CELF2: variants seen among roughly 807,000 people sequenced by gnomAD.
The protein encoded by CELF2 is CUGBP Elav-like family member 2.
Under a neutral mutation model 62.6 loss-of-function variants are expected in CELF2, and 8 were observed. The ratio of observed to expected loss-of-function variants is 0.13; its 90% CI spans 0.07 to 0.23. CELF2 has a LOEUF of 0.23. Ranked by LOEUF, CELF2 falls within the 10% of genes least tolerant of loss-of-function variation. The pLI, the probability that CELF2 is intolerant of heterozygous loss-of-function variation, is 1.00. For missense variants in CELF2, 333 were observed against 671.0 expected, an observed-to-expected ratio of 0.50 and a Z score of 5.56; for synonymous variants, 258 against 250.0, an observed-to-expected ratio of 1.03 and a Z score of -0.30.
At chr10:10,851,082 A>G (rs1295846461) in intron 1 of CELF2, among the ~76,000 whole-genome samples, 2 of 152,220 alleles carry the variant, frequency 1.3e-5, no homozygotes, top group Non-Finnish European at 2.9e-5. Context: ...CTGGGATTAC[A>G]GGTGTGAGCC....
chr10:10,741,830 C>T, the CELF2 span, among the ~76,000 whole-genome samples: 1 of 152,290 alleles, frequency 6.6e-6, no homozygotes, highest in East Asian at 1.9e-4. Flanking sequence ...TATCCCGATT[C>T]CTCCTCACAA....
intron 5 of CELF2, among the ~76,000 whole-genome samples, chr10:11,263,600 C>T (rs180853808): frequency 1.3e-5 from 2 of 152,254 alleles, no homozygotes; most frequent in East Asian, 3.9e-4. Flanking sequence ...CACCCAGAAG[C>T]TCATTTTTAG....
chr10:10,994,270 A>T (rs2053721102), intron 2 of CELF2, among the ~76,000 whole-genome samples: 1 of 152,150 alleles, frequency 6.6e-6, no homozygotes, highest in Non-Finnish European at 1.5e-5. Context: ...TATATTGTGC[A>T]AGTGCTTTTA....
At chr10:11,055,844 G>C (rs1164133130) in intron 1 of CELF2, among the ~76,000 whole-genome samples, 1 of 152,078 alleles carries the variant, frequency 6.6e-6, no homozygotes, top group Non-Finnish European at 1.5e-5. Context: ...CATTTCTAAA[G>C]GTTCCTTTTC....
chr10:11,317,451 A>G (rs1201366715), intron 10 of CELF2: 1 of 152,262 alleles, frequency 6.6e-6, no homozygotes, highest in Non-Finnish European at 1.5e-5. Flanking sequence ...TTTTATACTT[A>G]GCTTCTCATT....
the CELF2 span, among the ~76,000 whole-genome samples, chr10:10,765,302 C>T: frequency 9.2e-5 from 14 of 152,272 alleles, no homozygotes; most frequent in African/African-American, 2.4e-4. Context: ...AAGTAGAAGG[C>T]GCAGGGCACG....
chr10:11,053,765 C>A (rs1174320490), intron 1 of CELF2, among the ~76,000 whole-genome samples: 1 of 151,808 alleles, frequency 6.6e-6, no homozygotes, highest in Non-Finnish European at 1.5e-5. Context: ...CAGGCGCCCA[C>A]CACCATGCCC....
the CELF2 span, among the ~76,000 whole-genome samples, chr10:10,489,986 A>G: frequency 6.6e-6 from 1 of 152,288 alleles, no homozygotes; most frequent in African/African-American, 2.4e-5. Context: ...TGTCAGAAGG[A>G]AAGATGCAGA....
chr10:11,202,221 A>G (rs982126168), intron 2 of CELF2, among the ~76,000 whole-genome samples: 3 of 152,148 alleles, frequency 2.0e-5, no homozygotes, highest in Non-Finnish European at 2.9e-5. Context: ...TATAAGATTG[A>G]CTAGTAATGA....
chr10:10,587,277 G>A, the CELF2 span, among the ~76,000 whole-genome samples: 1 of 152,144 alleles, frequency 6.6e-6, no homozygotes, highest in Non-Finnish European at 1.5e-5. Flanking sequence ...ATGTCGATAG[G>A]ACATGCATAA....
rs1310325427 is a variant in CELF2 at position 11,211,844 on chromosome 10, G to GTGTT, written c.272-5578_272-5577insTTGT. Among the ~76,000 whole-genome samples the GTGTT allele has an allele frequency of 4.0e-5, 6 of 150,858 alleles. No homozygotes were observed. The highest frequency in any genetic ancestry group is 1.5e-4 in the African/African-American group (6 of 40,768). ...TGTGTGTGTGTGTGTGTGTGTGTGT[G>GTGTT]TGTGTGTGTGTAACTACCATTGGCC... On this transcript the variant is annotated intron_variant, in intron 2 of 12. Transcript: ENST00000633077. This position sits in a 1 kb window ranked among gnomAD's most constrained non-coding sequence, Gnocchi z 4.8.
intron 2 of CELF2, among the ~76,000 whole-genome samples, chr10:10,930,346 T>G (rs559836832): frequency 1.3e-5 from 2 of 152,340 alleles, no homozygotes; most frequent in South Asian, 4.1e-4. Context: ...ACTTTAAAAA[T>G]TAATAAAGCC....
At position 11,244,301 on chromosome 10, in the gene CELF2, T is replaced by C. The variant is rs1248130981; in HGVS notation, c.355-4852T>C. Among the ~76,000 whole-genome samples, 1 of 152,260 alleles carries C rather than the reference T, an allele frequency of 6.6e-6. No individual in the cohort carries two copies. Among genetic ancestry groups the C allele is most frequent in the Non-Finnish European group, 1.5e-5 (1 of 68,052 alleles). ...CTTGAAATTGTCCAGCCTATGAACA[T>C]ATCCCTCACTGTTAGTCTTGTGCTT... On this transcript the variant is annotated intron_variant, in intron 3 of 12. Coordinates refer to ENST00000633077, the MANE Select transcript of CELF2 (RefSeq NM_001326342.2). This position sits in a 1 kb window ranked among gnomAD's most constrained non-coding sequence, Gnocchi z 4.2.
chr10:10,978,034 G>GTTTTC (rs2051562980), intron 2 of CELF2, among the ~76,000 whole-genome samples: 1 of 121,788 alleles, frequency 8.2e-6, no homozygotes, highest in African/African-American at 3.4e-5. Context: ...GTTTTTTTTT[G>GTTTTC]TTTTTTGTTT....
the CELF2 span, among the ~76,000 whole-genome samples, chr10:10,505,306 G>A: frequency 6.6e-6 from 1 of 151,856 alleles, no homozygotes; most frequent in South Asian, 2.1e-4. Flanking sequence ...GTTGGGGGAG[G>A]GCTCCTTTTT....
intron 1 of CELF2, among the ~76,000 whole-genome samples, chr10:10,859,005 T>A (rs963389894): frequency 2.0e-5 from 3 of 152,148 alleles, no homozygotes; most frequent in African/African-American, 7.2e-5. Context: ...TAGCAGATGA[T>A]AATAAGTAAA....
Position 11,177,548 on chromosome 10 carries a change from G to T in CELF2, c.271+11866G>T, listed in dbSNP as rs1290347997. 6.6e-6 allele frequency among the ~76,000 whole-genome samples: 1 copy of T among 152,150 alleles called. No homozygotes were observed. Among genetic ancestry groups the T allele is most frequent in the East Asian group, 1.9e-4 (1 of 5,200 alleles). On this transcript the variant is annotated intron_variant, in intron 2 of 12. Coordinates refer to ENST00000633077, the MANE Select transcript of CELF2 (RefSeq NM_001326342.2). The surrounding 1 kb of genome is among the most constrained non-coding windows in gnomAD (Gnocchi z 4.8). ...TACACTTCCCTGCAGTGCTGGAAATGGACTTTTCCTTTGCATTTCCATGAG... is the reference window on the plus strand; with the variant it reads ...TACACTTCCCTGCAGTGCTGGAAATTGACTTTTCCTTTGCATTTCCATGAG...
chr10:10,818,206 G>T (rs572731406), intron 1 of CELF2, among the ~76,000 whole-genome samples: 1 of 152,198 alleles, frequency 6.6e-6, no homozygotes, highest in South Asian at 2.1e-4. Flanking sequence ...GTGTTAATAC[G>T]CATTCACAAG....
chr10:11,051,271 C>T (rs1028160098), intron 1 of CELF2, among the ~76,000 whole-genome samples: 11 of 152,206 alleles, frequency 7.2e-5, no homozygotes, highest in Non-Finnish European at 1.2e-4. Context: ...GATACAGATG[C>T]TATCTTGAAA....
Sources: gnomAD v4.1 joint callset for allele counts (sites outside exome capture counted in the v4.1 genomes callset) on GRCh38, gnomAD v4.1.1 for gene constraint, Gnocchi (gnomAD v3.1) non-coding constraint, MANE v1.5 for transcripts, NCBI Gene and HGNC (gene_info 2026-07-23, HGNC 2026-07-21) for gene names.